Variants in ENPP3 observed in about 807,000 individuals in gnomAD.
ENPP3 encodes the protein ectonucleotide pyrophosphatase/phosphodiesterase 3.
ENPP3 carries 104 observed loss-of-function variants against 117.8 expected under a neutral mutation model. The observed-to-expected ratio is 0.88, with a 90% CI of 0.75 to 1.04. The LOEUF (loss-of-function observed/expected upper bound fraction) is 1.04, where lower values mean the gene tolerates loss of function less well. Ranked by LOEUF, ENPP3 falls within the 50% of genes least tolerant of loss-of-function variation. The pLI, the probability that ENPP3 is intolerant of heterozygous loss-of-function variation, is 0.00. For missense variants in ENPP3, 1,026 were observed against 1,051.9 expected, an observed-to-expected ratio of 0.98 and a Z score of 0.34; for synonymous variants, 380 against 349.9, an observed-to-expected ratio of 1.09 and a Z score of -0.96.
chr6:131,735,889 G>A (rs976916293), intron 21 of ENPP3, among the ~76,000 whole-genome samples: 1 of 152,064 alleles, frequency 6.6e-6, no homozygotes, highest in Non-Finnish European at 1.5e-5. Flanking sequence ...AAGCTCTGGG[G>A]ATCTTCTGTA....
chr6:131,683,241 T>C, intron 12 of ENPP3, 79 bp downstream of exon 12: 2 of 797,878 alleles, frequency 2.5e-6, no homozygotes, highest in South Asian at 1.6e-5. Context: ...ATAATAGTGA[T>C]ATTTTAAAAT....
In ENPP3 at chr6:131,647,748, A is replaced by C. The variant is rs553778964; in HGVS notation, c.155-2279A>C. ...TTTAATGTTTCATAATATTGGAGAT[A>C]AATATTTTAAAGAAAATGTTCTCCA... On this transcript the variant is annotated intron_variant, in intron 2 of 24. Coordinates refer to ENST00000357639, the MANE Select transcript of ENPP3 (RefSeq NM_005021.5). 1.7e-3 allele frequency among the ~76,000 whole-genome samples: 257 copies of C among 152,288 alleles called. 1 individual carries two copies. Among genetic ancestry groups the C allele is most frequent in the Non-Finnish European group, 3.4e-3 (233 of 67,986 alleles).
intron 20 of ENPP3, among the ~76,000 whole-genome samples, chr6:131,729,651 G>T (rs976680121): frequency 6.6e-6 from 1 of 152,056 alleles, no homozygotes; most frequent in African/African-American, 2.4e-5. Flanking sequence ...TGGAGGCGGG[G>T]TGGTGGTGGT....
At chr6:131,668,485 G>T (rs1036654130) in intron 6 of ENPP3, among the ~76,000 whole-genome samples, 1 of 151,952 alleles carries the variant, frequency 6.6e-6, no homozygotes, top group Non-Finnish European at 1.5e-5. Flanking sequence ...AAAATCCTGG[G>T]ATTACAGACG....
intron 7 of ENPP3, among the ~76,000 whole-genome samples, chr6:131,672,103 C>A (rs916095443): frequency 2.0e-5 from 3 of 152,148 alleles, no homozygotes; most frequent in Admixed American, 1.3e-4. Context: ...TTGTAACCCC[C>A]AAATCAATAA....
intron 14 of ENPP3, among the ~76,000 whole-genome samples, chr6:131,690,317 GA>G (rs1255832074): frequency 6.6e-6 from 1 of 152,148 alleles, no homozygotes; most frequent in African/African-American, 2.4e-5. Flanking sequence ...CTCATTTTAA[GA>G]AATTACCACA....
At chr6:131,732,537 C>T (rs3850250) in intron 20 of ENPP3, among the ~76,000 whole-genome samples, 9,134 of 151,294 alleles carry the variant, frequency 0.06, 869 homozygotes, top group African/African-American at 0.21. Context: ...CTCAGCCTCC[C>T]GAGTAGCTGG....
At chr6:131,646,588 C>G (rs1778157421) in intron 2 of ENPP3, among the ~76,000 whole-genome samples, 1 of 152,066 alleles carries the variant, frequency 6.6e-6, no homozygotes, top group Non-Finnish European at 1.5e-5. Flanking sequence ...GACTGCTCCA[C>G]ATCCAAGCTT....
intron 24 of ENPP3, among the ~76,000 whole-genome samples, chr6:131,741,113 C>T (rs1241773000): frequency 6.6e-6 from 1 of 152,090 alleles, no homozygotes; most frequent in Non-Finnish European, 1.5e-5. Flanking sequence ...ACCTCAAAAT[C>T]CTTTTTGGAT....
At chr6:131,663,976 C>T (rs771017923) in intron 6 of ENPP3, among the ~76,000 whole-genome samples, 3 of 152,130 alleles carry the variant, frequency 2.0e-5, no homozygotes, top group Non-Finnish European at 4.4e-5. Flanking sequence ...GGCGATCCTC[C>T]CACCTTGGCC....
At chr6:131,641,552 C>G (rs1388247743) in intron 2 of ENPP3, 22 bp downstream of exon 2, 3 of 1,444,836 alleles carry the variant, frequency 2.1e-6, no homozygotes, top group Non-Finnish European at 2.9e-6. Context: ...AGCCTTTTCT[C>G]AGAACATTCC....
intron 6 of ENPP3, among the ~76,000 whole-genome samples, chr6:131,663,693 CAAA>C (rs111357396): frequency 1.8e-4 from 22 of 125,374 alleles, no homozygotes; most frequent in African/African-American, 4.9e-4. Context: ...GTTCTTGTCT[CAAA>C]AAAAAAAAAA....
intron 24 of ENPP3, among the ~76,000 whole-genome samples, chr6:131,746,282 A>G (rs1780633855): frequency 6.6e-6 from 1 of 152,184 alleles, no homozygotes; most frequent in Admixed American, 6.5e-5. Flanking sequence ...ATCACAAACC[A>G]CAGCTAAGAA....
intron 9 of ENPP3, among the ~76,000 whole-genome samples, chr6:131,676,249 GTT>G (rs202004046): frequency 0.23 from 32,216 of 139,038 alleles, 4,832 homozygotes; most frequent in African/African-American, 0.42. Context: ...CTCTGCTCTA[GTT>G]TTTTTTTTTT....
In ENPP3 at chr6:131,718,439, G is replaced by A. The variant is rs566784057; in HGVS notation, c.1413-233G>A. ...TCCTGGAATTTTCCTTTCTTCTCTC[G>A]TACCCTTCTGTTTGTTCCATTATGG... On this transcript the variant is annotated intron_variant, in intron 15 of 24. Transcript: ENST00000357639. 3.5e-4 allele frequency among the ~76,000 whole-genome samples: 53 copies of A among 151,318 alleles called. No homozygotes were observed. The South Asian group carries it at 6.5e-3, about 18-fold the overall frequency.
chr6:131,717,336 A>C (rs945652838), intron 15 of ENPP3, among the ~76,000 whole-genome samples: 35 of 147,456 alleles, frequency 2.4e-4, no homozygotes, highest in Admixed American at 2.2e-3. Flanking sequence ...AAAAACAAAC[A>C]GAAACCCTGC....
rs1209456301 is a variant in ENPP3 at position 131,674,494 on chromosome 6, G to A, written c.762+213G>A. ...TAGGTATGTTTAAACTTGGATATTG[G>A]GTTATAAATGTATCCATCTGGAAGT... is the stretch of plus-strand genomic sequence containing the variant. On this transcript the variant is annotated intron_variant, in intron 8 of 24. Coordinates refer to ENST00000357639, the MANE Select transcript of ENPP3 (RefSeq NM_005021.5). The A allele has an allele frequency of 1.4e-5, 8 of 563,186 alleles. No homozygotes were observed. The Admixed American group carries it at 2.1e-4, about 15-fold the overall frequency. The allele number at this position is 563,186 out of a possible 1,614,324, so 34.9% of individuals were successfully genotyped here.
At chr6:131,743,409 AAT>A (rs1780569822) in intron 24 of ENPP3, among the ~76,000 whole-genome samples, 1 of 152,202 alleles carries the variant, frequency 6.6e-6, no homozygotes, top group African/African-American at 2.4e-5. Context: ...ATAAGTATAA[AAT>A]ATTCACCTCC....
chr6:131,744,008 A>G (rs538510318), intron 24 of ENPP3, among the ~76,000 whole-genome samples: 1 of 152,262 alleles, frequency 6.6e-6, no homozygotes, highest in East Asian at 1.9e-4. Flanking sequence ...GATAAAATAG[A>G]TGGCTGGCTT....
Sources: allele counts gnomAD v4.1 joint callset (sites outside exome capture counted in the v4.1 genomes callset), GRCh38; gene constraint gnomAD v4.1.1; transcripts MANE v1.5; gene names NCBI Gene and HGNC (gene_info 2026-07-23, HGNC 2026-07-21).